EIF3A: variants seen among roughly 807,000 people sequenced by gnomAD.
EIF3A encodes EIF3, p180 subunit.
A neutral mutation model predicts 186.6 loss-of-function variants in EIF3A; 21 were observed. The observed-to-expected ratio is 0.11, with a 90% CI of 0.08 to 0.16. The LOEUF (loss-of-function observed/expected upper bound fraction) is 0.16, where lower values mean the gene tolerates loss of function less well. Ranked by LOEUF, EIF3A falls within the 10% of genes least tolerant of loss-of-function variation. EIF3A has a pLI of 1.00. For synonymous variants in EIF3A, 563 were observed against 584.3 expected (o/e 0.96, Z 0.52); for missense variants, 1,306 against 1,796.3 (o/e 0.73, Z 4.93).
At chr10:119,068,971 C>CAAAAAAAA (rs59413780) in intron 6 of EIF3A, among the ~76,000 whole-genome samples, 10 of 99,016 alleles carry the variant, frequency 1.0e-4, no homozygotes, top group African/African-American at 1.5e-4. Context: ...CTCTGTCTTG[C>CAAAAAAAA]AAAAAAAAAA....
chr10:119,059,678 G>A lies in EIF3A; in HGVS notation c.1367C>T (p.Thr456Ile), dbSNP rs778628557. The A allele has an allele frequency of 6.2e-7, 1 of 1,614,118 alleles. No homozygotes were observed. The highest frequency in any genetic ancestry group is 8.5e-7 in the Non-Finnish European group (1 of 1,179,988). ...IYQSIEFSRLTSLVPFVDAFQ... is the reference protein window; with the variant it reads ...IYQSIEFSRLISLVPFVDAFQ... Reference sequence around the variant, plus strand: ...AGCATCAACAAAAGGAACCAAAGAAGTCAAACGAGAAAACTCAATGCTCTG... The same window carrying A: ...AGCATCAACAAAAGGAACCAAAGAAATCAAACGAGAAAACTCAATGCTCTG... Residue 456 changes from threonine to isoleucine, a missense_variant, in exon 10 of 22, where the codon ACT (threonine) becomes ATT (isoleucine). Thr to Ile is a moderately conservative substitution (Grantham distance 89). Coordinates refer to ENST00000369144, the MANE Select transcript of EIF3A (RefSeq NM_003750.4).
intron 15 of EIF3A, 63 bp from the exon 16 acceptor site, chr10:119,050,737 G>T: frequency 6.4e-7 from 1 of 1,571,048 alleles, no homozygotes; most frequent in Non-Finnish European, 8.7e-7. Flanking sequence ...CAAACTCGCA[G>T]AAAGCTATTA....
chr10:119,044,181 A>G (rs374120155), intron 17 of EIF3A, 39 bp from the exon 18 acceptor site: 126 of 1,341,610 alleles, frequency 9.4e-5, no homozygotes, highest in Non-Finnish European at 1.2e-4. Flanking sequence ...TACATTGGTA[A>G]CCATTTACTA....
chr10:119,075,827 C>A (rs1844161924), intron 1 of EIF3A, among the ~76,000 whole-genome samples: 1 of 142,446 alleles, frequency 7.0e-6, no homozygotes, highest in Non-Finnish European at 1.5e-5. Context: ...CATTCTCCTG[C>A]CTCAGCCTCC....
rs147876651 is a variant in EIF3A, at chr10:119,044,114, T to C, written c.2687A>G (p.Glu896Gly). ...KDSRWGDRDS[E>G]GTWRKGPEAD... ...TTCAGGTCCTTTTCTCCAGGTGCCT[T>C]CTGAATCTCTATCTCCCCAACGAGA... The change falls in exon 18 of 22, where the codon GAA (glutamate) becomes GGA (glycine). Residue 896 changes from glutamate to glycine, a missense_variant. By Grantham distance (98) the Glu-to-Gly change is moderately conservative. Transcript: ENST00000369144. 1.9e-5 allele frequency: 30 copies of C among 1,613,958 alleles called. No individual in the cohort carries two copies. Among genetic ancestry groups the C allele is most frequent in the Non-Finnish European group, 2.5e-5 (29 of 1,179,910 alleles).
intron 17 of EIF3A, 89 bp downstream of exon 17, chr10:119,049,712 G>A (rs961476312): frequency 2.6e-5 from 31 of 1,196,166 alleles, no homozygotes; most frequent in Non-Finnish European, 3.3e-5. Context: ...TCCAGCCTGG[G>A]CAACCTGGGC....
Position 119,071,053 on chromosome 10 carries a change from C to A in EIF3A, c.574G>T (p.Ala192Ser), listed in dbSNP as rs1844062691. ...FKFCLQYTRK[A>S]EFRKLCDNLR... is the part of the protein sequence containing the mutation. Reference sequence around the variant, plus strand: ...TTGTCACACAGTTTACGGAATTCAGCCTTACGCGTGTATTGGAGGCAGAAT... The same window carrying A: ...TTGTCACACAGTTTACGGAATTCAGACTTACGCGTGTATTGGAGGCAGAAT... The change falls in exon 5 of 22, where the codon GCT becomes TCT. Residue 192 changes from alanine to serine, a missense_variant. Ala to Ser is a moderately conservative substitution (Grantham distance 99, BLOSUM62 1). Transcript: ENST00000369144. The A allele has an allele frequency of 1.2e-6, 2 of 1,614,072 alleles. No homozygotes were observed. The highest frequency in any genetic ancestry group is 1.3e-5 in the African/African-American group (1 of 75,012).
At chr10:119,060,580 T>C (rs1481374142) in intron 9 of EIF3A, among the ~76,000 whole-genome samples, 166 bp downstream of exon 9, 2 of 152,228 alleles carry the variant, frequency 1.3e-5, no homozygotes, top group Non-Finnish European at 2.9e-5. Context: ...TTACAAAATA[T>C]GTAAATATAA....
chr10:119,047,030 G>A (rs1434605411), intron 17 of EIF3A, among the ~76,000 whole-genome samples: 1 of 152,072 alleles, frequency 6.6e-6, no homozygotes, highest in Non-Finnish European at 1.5e-5. Context: ...CACTGTGAGA[G>A]GCTGAGGTGA....
chr10:119,042,923 C>T lies in EIF3A; in HGVS notation c.2748-151G>A, dbSNP rs1848232885. ...ATCCCAGCACTCTGGGAAGCAGAGG[C>T]AGGCAGATCACCTGAGGTCAGGAGT... is the stretch of plus-strand genomic sequence containing the variant. On this transcript the variant is annotated intron_variant, in intron 18 of 21. Transcript: ENST00000369144. This position sits in a 1 kb window ranked among gnomAD's most constrained non-coding sequence, Gnocchi z 7.8. 3 of 819,088 alleles carry T rather than the reference C, an allele frequency of 3.7e-6. No homozygotes were observed. Among genetic ancestry groups the T allele is most frequent in the Admixed American group, 3.0e-5 (1 of 32,994 alleles). The allele number at this position is 819,088 out of a possible 1,614,324, so 50.7% of individuals were successfully genotyped here.
chr10:119,072,438 GTTTTGTTTTGTTTTGTTTT>G (rs1844091948), intron 4 of EIF3A, among the ~76,000 whole-genome samples: 1 of 5,760 alleles, frequency 1.7e-4, no homozygotes, highest in African/African-American at 2.1e-4. Context: ...TTTTGGTTTT[GTTTTGTTTTGTTTTGTTTT>G]GTTTTGTTTT....
At chr10:119,065,978 T>C (rs1843969690) in intron 6 of EIF3A, among the ~76,000 whole-genome samples, 1 of 151,536 alleles carries the variant, frequency 6.6e-6, no homozygotes, top group Non-Finnish European at 1.5e-5. Flanking sequence ...TAGCCAGGCG[T>C]AGTGGTGGGC....
chr10:119,042,656 T>A lies in EIF3A; in HGVS notation c.2864A>T (p.Asp955Val). ...ATCCATGCCACGCCGGGGAACCCGA[T>A]CATCGTCTGGTCTAAGAGAGGGCTC... Reference protein sequence around the residue: ...DREPSLRPDDDRVPRRGMDDD... With the variant: ...DREPSLRPDDVRVPRRGMDDD... The change falls in exon 19 of 22, where the codon GAT (aspartate) becomes GTT (valine). Residue 955 changes from aspartate to valine, a missense_variant. Transcript: ENST00000369144. This position sits in a 1 kb window ranked among gnomAD's most constrained non-coding sequence, Gnocchi z 7.8. 6.2e-7 allele frequency: 1 copy of A among 1,614,212 alleles called. No homozygotes were observed. The highest frequency in any genetic ancestry group is 1.3e-5 in the African/African-American group (1 of 75,056).
At chr10:119,045,997 T>C (rs550225882) in intron 17 of EIF3A, among the ~76,000 whole-genome samples, 4 of 152,252 alleles carry the variant, frequency 2.6e-5, no homozygotes, top group Non-Finnish European at 5.9e-5. Flanking sequence ...AAGAGAACTT[T>C]AACAGAGCAA....
At chr10:119,073,117 A>T in intron 3 of EIF3A, 64 bp from the exon 4 acceptor site, 1 of 1,479,196 alleles carries the variant, frequency 6.8e-7, no homozygotes, top group Non-Finnish European at 9.1e-7. Context: ...GTGATTAAAA[A>T]CCAAAACAAT....
In EIF3A at chr10:119,050,508, T is replaced by C; in HGVS notation, c.2473+13A>G. ...TGCATTAGCACCCCTCCAATCCTGT[T>C]TGACCTGTGTACCTTTTAGCATTTG... On this transcript the variant is annotated intron_variant, in intron 16 of 21. Coordinates refer to ENST00000369144, the MANE Select transcript of EIF3A (RefSeq NM_003750.4). 2 of 1,612,904 alleles carry C rather than the reference T, an allele frequency of 1.2e-6. No individual in the cohort carries two copies. The highest frequency in any genetic ancestry group is 1.7e-6 in the Non-Finnish European group (2 of 1,179,142).
rs373914277 is a variant in EIF3A at position 119,037,200 on chromosome 10, G to A, written c.3838C>T (p.Arg1280Trp). ...RDDRRRERDD[R>W]RDLRERRDLR... ...TCTCGTCTTTCTCTTAGATCACGCC[G>A]GTCATCCCTCTCACGGCGACGGTCA... The change falls in exon 21 of 22, where the codon CGG becomes TGG. Residue 1280 changes from arginine to tryptophan, a missense_variant. Physicochemically the swap from Arg to Trp is moderately radical, Grantham distance 101. Coordinates refer to ENST00000369144, the MANE Select transcript of EIF3A (RefSeq NM_003750.4). 8.7e-6 allele frequency: 14 copies of A among 1,613,644 alleles called. No homozygotes were observed. The highest frequency in any genetic ancestry group is 4.5e-5 in the East Asian group (2 of 44,870).
chr10:119,044,480 G>A (rs182444962), intron 17 of EIF3A, among the ~76,000 whole-genome samples: 81 of 152,312 alleles, frequency 5.3e-4, no homozygotes, highest in Non-Finnish European at 1.1e-3. Flanking sequence ...CAGTGCCTAC[G>A]AAGCAAAGAA....
Position 119,044,127 on chromosome 10 carries a change from C to T in EIF3A, c.2674G>A (p.Asp892Asn), listed in dbSNP as rs1848251577. The change falls in exon 18 of 22, where the codon GAT (aspartate) becomes AAT (asparagine). Residue 892 changes from aspartate to asparagine, a missense_variant. Physicochemically the swap from Asp to Asn is conservative, Grantham distance 23. This residue lies in a region of EIF3A where 410 missense variants were observed against 473.5 expected (regional missense o/e 0.87). Transcript: ENST00000369144. Reference protein sequence around the residue: ...SLSRKDSRWGDRDSEGTWRKG... With the variant: ...SLSRKDSRWGNRDSEGTWRKG... ...CTCCAGGTGCCTTCTGAATCTCTATCTCCCCAACGAGAGTCCTCCATTGAC... is the reference window on the plus strand; with the variant it reads ...CTCCAGGTGCCTTCTGAATCTCTATTTCCCCAACGAGAGTCCTCCATTGAC... The T allele has an allele frequency of 1.2e-6, 2 of 1,613,602 alleles. No homozygotes were observed. Among genetic ancestry groups the T allele is most frequent in the Non-Finnish European group, 1.7e-6 (2 of 1,179,504 alleles).
Sources: gnomAD v4.1 joint callset for allele counts (sites outside exome capture counted in the v4.1 genomes callset) on GRCh38, gnomAD v4.1.1 for gene constraint, gnomAD v4.1.1 regional missense constraint, Gnocchi (gnomAD v3.1) non-coding constraint, MANE v1.5 for transcripts, NCBI Gene and HGNC (gene_info 2026-07-23, HGNC 2026-07-21) for gene names.